CNTNAP2: variants seen among roughly 807,000 people sequenced by gnomAD.
The protein encoded by CNTNAP2 is contactin associated protein 2.
CNTNAP2 carries 98 observed loss-of-function variants against 155.2 expected under a neutral mutation model. The ratio of observed to expected loss-of-function variants is 0.63; its 90% CI spans 0.54 to 0.75. CNTNAP2 has a LOEUF of 0.75. Ranked by LOEUF, CNTNAP2 falls within the 30% of genes least tolerant of loss-of-function variation. The pLI is 0.00. For missense variants in CNTNAP2, 1,727 were observed against 1,688.1 expected (o/e 1.02, Z -0.40); for synonymous variants, 651 against 631.2 (o/e 1.03, Z -0.47).
At chr7:146,256,550 A>C (rs1039897468) in intron 1 of CNTNAP2, among the ~76,000 whole-genome samples, 2 of 152,022 alleles carry the variant, frequency 1.3e-5, no homozygotes, top group Admixed American at 1.3e-4. Context: ...TTATACAAAA[A>C]TAATACATTT....
intron 1 of CNTNAP2, among the ~76,000 whole-genome samples, chr7:146,187,101 T>C (rs143084919): frequency 7.6e-4 from 116 of 152,316 alleles, no homozygotes; most frequent in Non-Finnish European, 1.5e-3. Flanking sequence ...TAAAGTCTAG[T>C]CAGGTCACTA....
chr7:146,647,191 T>G (rs10262146), intron 1 of CNTNAP2, among the ~76,000 whole-genome samples: 1 of 151,952 alleles, frequency 6.6e-6, no homozygotes. Context: ...TGCTACAGCA[T>G]CTCAGTCCAA....
chr7:147,395,410 A>G (rs904263501), intron 9 of CNTNAP2, among the ~76,000 whole-genome samples, 199 bp from the exon 10 acceptor site: 5 of 152,058 alleles, frequency 3.3e-5, no homozygotes, highest in Non-Finnish European at 7.4e-5. Context: ...ACCCATTACA[A>G]TTCAACCCTG....
intron 13 of CNTNAP2, among the ~76,000 whole-genome samples, chr7:147,753,392 A>C (rs1650620807): frequency 6.6e-6 from 1 of 152,234 alleles, no homozygotes. Flanking sequence ...CTCAGCTCTG[A>C]AGCAATGACT....
chr7:146,226,646 T>G (rs1171836969), intron 1 of CNTNAP2, among the ~76,000 whole-genome samples: 1 of 151,934 alleles, frequency 6.6e-6, no homozygotes, highest in Non-Finnish European at 1.5e-5. Context: ...GGAGACAGAG[T>G]GAGACCTTGA....
At chr7:146,535,250 T>C (rs1164071381) in intron 1 of CNTNAP2, among the ~76,000 whole-genome samples, 2 of 53,106 alleles carry the variant, frequency 3.8e-5, no homozygotes, top group Non-Finnish European at 5.5e-5. Flanking sequence ...ATATCATATA[T>C]ATGATATTAT....
chr7:148,238,659 G>A (rs1796090658), intron 20 of CNTNAP2, among the ~76,000 whole-genome samples: 1 of 152,144 alleles, frequency 6.6e-6, no homozygotes, highest in Non-Finnish European at 1.5e-5. Flanking sequence ...AGAACTACAA[G>A]GTCCAACGTT....
intron 12 of CNTNAP2, among the ~76,000 whole-genome samples, chr7:147,623,199 C>A (rs531669913): frequency 6.6e-6 from 1 of 152,068 alleles, no homozygotes; most frequent in Non-Finnish European, 1.5e-5. Flanking sequence ...TGGAACATGA[C>A]AAGGATGCCT....
chr7:147,693,649 T>C (rs1796120952), intron 13 of CNTNAP2, among the ~76,000 whole-genome samples: 1 of 152,050 alleles, frequency 6.6e-6, no homozygotes, highest in South Asian at 2.1e-4. Context: ...TGCTGGTATA[T>C]GGTAAAGTGA....
At chr7:148,129,499 T>G (rs1418668327) in intron 16 of CNTNAP2, among the ~76,000 whole-genome samples, 1 of 152,148 alleles carries the variant, frequency 6.6e-6, no homozygotes, top group Non-Finnish European at 1.5e-5. Flanking sequence ...TGATTGCATA[T>G]GTAAAAATGT....
chr7:147,115,237 G>A (rs1800962499), intron 5 of CNTNAP2, among the ~76,000 whole-genome samples: 1 of 152,102 alleles, frequency 6.6e-6, no homozygotes, highest in Non-Finnish European at 1.5e-5. Flanking sequence ...CTTTCTCTCT[G>A]GCTGCCTTTA....
At chr7:147,626,521 C>T (rs1794980823) in intron 12 of CNTNAP2, among the ~76,000 whole-genome samples, 1 of 152,156 alleles carries the variant, frequency 6.6e-6, no homozygotes, top group Non-Finnish European at 1.5e-5. Flanking sequence ...CTGCCCTGAC[C>T]TGATAGGATT....
intron 1 of CNTNAP2, among the ~76,000 whole-genome samples, chr7:146,378,639 C>A (rs1795338488): frequency 6.6e-6 from 1 of 152,102 alleles, no homozygotes; most frequent in Admixed American, 6.5e-5. Context: ...ACTATTTAAA[C>A]CAAGGCAATC....
At chr7:146,467,009 T>A (rs1389868716) in intron 1 of CNTNAP2, among the ~76,000 whole-genome samples, 1 of 152,146 alleles carries the variant, frequency 6.6e-6, no homozygotes, top group Non-Finnish European at 1.5e-5. Context: ...TTGTCCCTCT[T>A]TAAACTCTTC....
intron 3 of CNTNAP2, among the ~76,000 whole-genome samples, chr7:146,969,392 T>G (rs1276969795): frequency 2.6e-5 from 4 of 152,116 alleles, no homozygotes; most frequent in Non-Finnish European, 4.4e-5. Context: ...TGTTGATCTG[T>G]CTAATGTTGA....
At chr7:147,715,193 A>G (rs2373175) in intron 13 of CNTNAP2, among the ~76,000 whole-genome samples, 2,495 of 152,254 alleles carry the variant, frequency 0.016, 220 homozygotes, top group Admixed American at 0.15. Flanking sequence ...ACAAATGTCC[A>G]CATGTATAAT....
chr7:147,880,444 T>C (rs1286138248), intron 13 of CNTNAP2, among the ~76,000 whole-genome samples: 3 of 152,120 alleles, frequency 2.0e-5, no homozygotes, highest in African/African-American at 4.8e-5. Context: ...GTTGGATATG[T>C]GAGTCTGAGT....
chr7:147,177,385 G>A (rs1802371350), intron 8 of CNTNAP2, among the ~76,000 whole-genome samples: 2 of 152,030 alleles, frequency 1.3e-5, no homozygotes, highest in South Asian at 2.1e-4. Context: ...TCTTTGATTG[G>A]CACTCATTTC....
intron 8 of CNTNAP2, among the ~76,000 whole-genome samples, chr7:147,254,895 A>C (rs4726831): frequency 0.12 from 18,258 of 152,272 alleles, 1,184 homozygotes; most frequent in Non-Finnish European, 0.15. Flanking sequence ...TTACTCTAAA[A>C]ATCGTAGCAA....
Sources: allele counts gnomAD v4.1 joint callset (sites outside exome capture counted in the v4.1 genomes callset), GRCh38; gene constraint gnomAD v4.1.1; transcripts MANE v1.5; gene names NCBI Gene and HGNC (gene_info 2026-07-23, HGNC 2026-07-21).